Variants in SBF2 observed in about 807,000 individuals in gnomAD.
The protein encoded by SBF2 is SET binding factor 2, also known as myotubularin-related protein 13.
A neutral mutation model predicts 225.2 loss-of-function variants in SBF2; 112 were observed. The observed-to-expected ratio is 0.50, with a 90% CI of 0.43 to 0.58. SBF2 has a LOEUF of 0.58. Among genes scored for constraint, SBF2 ranks in the 20% least tolerant of loss-of-function variants. The probability of loss-of-function intolerance (pLI) is 0.00; values close to 1 mark genes in which losing one functional copy is unlikely to be tolerated. For missense variants in SBF2, 1,996 were observed against 2,206.2 expected (o/e 0.90, Z 1.91); for synonymous variants, 763 against 773.3 (o/e 0.99, Z 0.22).
Position 10,009,945 on chromosome 11 carries a change from T to C in SBF2, c.620-7256A>G, listed in dbSNP as rs568033163. On this transcript the variant is annotated intron_variant, in intron 6 of 39. Coordinates refer to ENST00000256190, the MANE Select transcript of SBF2 (RefSeq NM_030962.4). ...GTTTCCTTTTTAATGACTGCCATTG[T>C]AGCTGGCATGACATGGTATCTCATT... is the stretch of plus-strand genomic sequence containing the variant. Among the ~76,000 whole-genome samples, 3 of 152,354 alleles carry C rather than the reference T, an allele frequency of 2.0e-5. No homozygotes were observed. In the South Asian group the frequency reaches 6.2e-4, roughly 32 times the overall value.
chr11:9,843,936 C>G (rs1856357560), intron 24 of SBF2: 1 of 152,128 alleles, frequency 6.6e-6, no homozygotes, highest in South Asian at 2.1e-4. Flanking sequence ...CTATATATAT[C>G]TTTTGTTTCA....
intron 16 of SBF2, among the ~76,000 whole-genome samples, chr11:9,933,561 T>G (rs540570618): frequency 1.3e-5 from 2 of 152,246 alleles, no homozygotes; most frequent in East Asian, 1.9e-4. Context: ...GAATGACTAC[T>G]GGGTACATAA....
intron 2 of SBF2, among the ~76,000 whole-genome samples, chr11:10,125,098 G>C (rs117869609): frequency 0.087 from 10,844 of 124,144 alleles, 589 homozygotes; most frequent in East Asian, 0.31. Flanking sequence ...ACAAGAGAGA[G>C]ACTGTGTCTC....
At chr11:10,194,782 AT>A (rs1237707979) in intron 1 of SBF2, among the ~76,000 whole-genome samples, 6 of 152,124 alleles carry the variant, frequency 3.9e-5, no homozygotes, top group Non-Finnish European at 5.9e-5. Context: ...AAGTGCTGGG[AT>A]TACAGGTGTG....
chr11:10,168,899 T>C (rs775859783), intron 2 of SBF2, among the ~76,000 whole-genome samples: 2 of 152,204 alleles, frequency 1.3e-5, no homozygotes, highest in African/African-American at 2.4e-5. Context: ...AATTAACCAA[T>C]TGAGCACATT....
chr11:9,811,399 T>A (rs1437312224), intron 30 of SBF2: 1 of 152,202 alleles, frequency 6.6e-6, no homozygotes, highest in Non-Finnish European at 1.5e-5. Context: ...ATATCCCAAG[T>A]GGGCAATTAT....
chr11:9,952,344 AC>A (rs1865908636), intron 16 of SBF2, among the ~76,000 whole-genome samples: 1 of 152,222 alleles, frequency 6.6e-6, no homozygotes, highest in Non-Finnish European at 1.5e-5. Context: ...TAAGAAAGGA[AC>A]TGGGAGGGGG....
intron 1 of SBF2, among the ~76,000 whole-genome samples, chr11:10,256,027 G>A (rs1418156585): frequency 6.6e-6 from 1 of 152,156 alleles, no homozygotes; most frequent in African/African-American, 2.4e-5. Context: ...TGTATTACAC[G>A]AGATGGGCTC....
chr11:9,784,932 ATTATTT>A (rs996629491), intron 37 of SBF2, 187 bp downstream of exon 37: 3 of 637,222 alleles, frequency 4.7e-6, no homozygotes, highest in Admixed American at 5.1e-5. Flanking sequence ...ACCTCTTCGA[ATTATTT>A]TTAGTTGTAA....
intron 16 of SBF2, among the ~76,000 whole-genome samples, chr11:9,956,063 CTTCT>C (rs1225889573): frequency 5.9e-5 from 9 of 151,590 alleles, no homozygotes; most frequent in South Asian, 2.1e-4. Flanking sequence ...ACAGAATTAT[CTTCT>C]TTAAGATTCA....
At chr11:10,135,808 T>G (rs1292591485) in intron 2 of SBF2, among the ~76,000 whole-genome samples, 2 of 152,152 alleles carry the variant, frequency 1.3e-5, no homozygotes, top group Non-Finnish European at 2.9e-5. Context: ...TGTCCTACAT[T>G]TTCCTATCTT....
At chr11:9,967,823 G>C (rs890202377) in intron 14 of SBF2, among the ~76,000 whole-genome samples, 1 of 151,994 alleles carries the variant, frequency 6.6e-6, no homozygotes, top group Non-Finnish European at 1.5e-5. Flanking sequence ...GTTGAGGCAA[G>C]AGAATTGCTT....
chr11:10,198,983 C>A (rs1029885260), intron 1 of SBF2, among the ~76,000 whole-genome samples: 1 of 152,182 alleles, frequency 6.6e-6, no homozygotes, highest in Non-Finnish European at 1.5e-5. Flanking sequence ...ATAATGCTGT[C>A]TCATTTTCTT....
intron 1 of SBF2, among the ~76,000 whole-genome samples, chr11:10,194,801 G>A (rs746296008): frequency 6.6e-6 from 1 of 152,122 alleles, no homozygotes; most frequent in Non-Finnish European, 1.5e-5. Flanking sequence ...GTGAGCCACT[G>A]CACCTGGCCA....
At chr11:10,219,559 TGAATTTCTCTCCA>T (rs1177337107) in intron 1 of SBF2, among the ~76,000 whole-genome samples, 1 of 152,358 alleles carries the variant, frequency 6.6e-6, no homozygotes, top group East Asian at 1.9e-4. Context: ...GCAGCCAGCT[TGAATTTCTCTCCA>T]GAAAATAGGG....
chr11:9,922,161 G>C (rs955372745), intron 16 of SBF2, among the ~76,000 whole-genome samples: 1 of 152,138 alleles, frequency 6.6e-6, no homozygotes, highest in Non-Finnish European at 1.5e-5. Context: ...TGGGAGGACT[G>C]GTTGAGCCCA....
intron 2 of SBF2, among the ~76,000 whole-genome samples, chr11:10,156,646 C>T (rs1383126756): frequency 1.3e-5 from 2 of 152,188 alleles, no homozygotes; most frequent in African/African-American, 4.8e-5. Flanking sequence ...AGAGCCAAAT[C>T]AGGAATGAAC....
intron 32 of SBF2, among the ~76,000 whole-genome samples, chr11:9,799,544 G>A (rs1033598945): frequency 6.6e-6 from 1 of 152,178 alleles, no homozygotes; most frequent in Non-Finnish European, 1.5e-5. Flanking sequence ...AAAGTAACAA[G>A]CATGTAAACA....
chr11:10,167,780 G>A (rs563474999), intron 2 of SBF2, among the ~76,000 whole-genome samples: 43 of 152,356 alleles, frequency 2.8e-4, no homozygotes, highest in African/African-American at 8.9e-4. Flanking sequence ...CACTTTGGGA[G>A]GCTGAGGAAG....
Sources: gnomAD v4.1 joint callset for allele counts (sites outside exome capture counted in the v4.1 genomes callset) on GRCh38, gnomAD v4.1.1 for gene constraint, MANE v1.5 for transcripts, NCBI Gene and HGNC (gene_info 2026-07-23, HGNC 2026-07-21) for gene names.